The following ALK variants were observed in gnomAD, a reference collection of about 807,000 sequenced individuals.
The protein encoded by ALK is ALK receptor tyrosine kinase.
Under a neutral mutation model 163.1 loss-of-function variants are expected in ALK, and 74 were observed. The observed-to-expected ratio is 0.45, with a 90% CI of 0.38 to 0.55. ALK has a LOEUF of 0.55. Among genes scored for constraint, ALK ranks in the 20% least tolerant of loss-of-function variants. The pLI, the probability that ALK is intolerant of heterozygous loss-of-function variation, is 0.00. For synonymous variants in ALK, 960 were observed against 843.2 expected (o/e 1.14, Z -2.40); for missense variants, 2,063 against 2,105.3 (o/e 0.98, Z 0.39).
intron 11 of ALK, among the ~76,000 whole-genome samples, chr2:29,269,702 G>A (rs1665327189): frequency 6.6e-6 from 1 of 152,182 alleles, no homozygotes; most frequent in African/African-American, 2.4e-5. Flanking sequence ...AGAGCATGAG[G>A]TTAATCAGCA....
At chr2:29,517,817 A>G (rs1672711895) in intron 4 of ALK, among the ~76,000 whole-genome samples, 1 of 152,140 alleles carries the variant, frequency 6.6e-6, no homozygotes, top group Non-Finnish European at 1.5e-5. Flanking sequence ...ACCTCCAAAG[A>G]CTTCTGGCCG....
At chr2:29,670,013 T>A (rs1677633720) in intron 3 of ALK, among the ~76,000 whole-genome samples, 1 of 152,114 alleles carries the variant, frequency 6.6e-6, no homozygotes, top group African/African-American at 2.4e-5. Context: ...GACAGATTTG[T>A]CTTTTGGGCC....
At chr2:29,337,609 G>C (rs1247437072) in intron 5 of ALK, among the ~76,000 whole-genome samples, 30 of 152,140 alleles carry the variant, frequency 2.0e-4, no homozygotes, top group Admixed American at 2.0e-3. Flanking sequence ...GGTGCCACAG[G>C]CTCTCTGGGT....
chr2:29,846,088 T>C (rs1418092942), intron 1 of ALK, among the ~76,000 whole-genome samples: 1 of 152,226 alleles, frequency 6.6e-6, no homozygotes, highest in African/African-American at 2.4e-5. Context: ...GGGAGTGTGA[T>C]GTTCTGTGAT....
chr2:29,307,743 C>T (rs1431335919), intron 8 of ALK, among the ~76,000 whole-genome samples: 1 of 152,172 alleles, frequency 6.6e-6, no homozygotes, highest in Non-Finnish European at 1.5e-5. Context: ...CAAATCAACC[C>T]AGCACAGCAA....
At chr2:29,895,842 A>T (rs1478611690) in intron 1 of ALK, among the ~76,000 whole-genome samples, 1 of 152,130 alleles carries the variant, frequency 6.6e-6, no homozygotes, top group African/African-American at 2.4e-5. Context: ...CAGGAGTGAG[A>T]TACTGGCTGT....
intron 3 of ALK, among the ~76,000 whole-genome samples, chr2:29,599,316 T>G (rs1233291726): frequency 6.6e-6 from 1 of 152,204 alleles, no homozygotes; most frequent in Non-Finnish European, 1.5e-5. Flanking sequence ...TGTGAGCTCT[T>G]AAGTACTTTT....
intron 3 of ALK, among the ~76,000 whole-genome samples, chr2:29,619,560 A>G (rs1675968072): frequency 6.6e-6 from 1 of 152,056 alleles, no homozygotes. Context: ...GTCACTGACG[A>G]CTTCCCAAAT....
intron 3 of ALK, among the ~76,000 whole-genome samples, chr2:29,674,140 T>C (rs1017852409): frequency 5.4e-4 from 82 of 151,306 alleles, no homozygotes; most frequent in African/African-American, 1.7e-3. Context: ...TTTGACTTCC[T>C]CTTTTCCTAA....
At chr2:29,644,609 C>CCATTCATGT (rs60529158) in intron 3 of ALK, among the ~76,000 whole-genome samples, 20,370 of 151,740 alleles carry the variant, frequency 0.13, 2,782 homozygotes, top group African/African-American at 0.35. Context: ...AGCAACTTCT[C>CCATTCATGT]CATTCATGTA....
At chr2:29,264,039 T>C (rs989340435) in intron 11 of ALK, among the ~76,000 whole-genome samples, 4 of 152,196 alleles carry the variant, frequency 2.6e-5, no homozygotes, top group Non-Finnish European at 4.4e-5. Context: ...CCAGCCTGGA[T>C]TGGAACCAAC....
chr2:29,457,998 C>A (rs1394000377), intron 4 of ALK, among the ~76,000 whole-genome samples: 1 of 152,032 alleles, frequency 6.6e-6, no homozygotes, highest in Non-Finnish European at 1.5e-5. Context: ...TCACCAATAG[C>A]CTTTGTGAAA....
At chr2:29,217,912 C>T (rs1490081350) in intron 23 of ALK, among the ~76,000 whole-genome samples, 2 of 152,148 alleles carry the variant, frequency 1.3e-5, no homozygotes, top group African/African-American at 2.4e-5. Flanking sequence ...GTCCCTTGGC[C>T]GATTCACCCT....
chr2:29,920,620 G>A lies in ALK; in HGVS notation c.40C>T (p.Leu14Phe), dbSNP rs1667971309. The change falls in exon 1 of 29, where the codon CTT becomes TTT. Residue 14 changes from leucine to phenylalanine, a missense_variant. Coordinates refer to ENST00000389048, the MANE Select transcript of ALK (RefSeq NM_004304.5). ...IGLLWLLPLL[L>F]STAAVGSGMG... is the part of the protein sequence containing the mutation. ...CCGGAGCCCACAGCTGCCGTGGAAA[G>A]CAGCAGCGGCAGGAGCCACAGGAGC... 6.5e-7 allele frequency: 1 copy of A among 1,544,364 alleles called. No homozygotes were observed. The highest frequency in any genetic ancestry group is 8.7e-7 in the Non-Finnish European group (1 of 1,152,308).
intron 2 of ALK, among the ~76,000 whole-genome samples, chr2:29,699,845 G>A (rs922084427): frequency 6.6e-6 from 1 of 152,220 alleles, no homozygotes; most frequent in Non-Finnish European, 1.5e-5. Context: ...GTAAGGTAAT[G>A]GAACCTTCTG....
chr2:29,517,934 C>T (rs1672714915), intron 4 of ALK, among the ~76,000 whole-genome samples: 1 of 152,204 alleles, frequency 6.6e-6, no homozygotes, highest in Admixed American at 6.5e-5. Flanking sequence ...GTCTTTACTT[C>T]ACTCTGAGAC....
At chr2:29,719,181 C>T (rs1573581337) in intron 1 of ALK, among the ~76,000 whole-genome samples, 1 of 152,192 alleles carries the variant, frequency 6.6e-6, no homozygotes, top group Non-Finnish European at 1.5e-5. Flanking sequence ...GGTCTCCTTC[C>T]TAAAAAAACA....
At chr2:29,645,339 C>T (rs1378575224) in intron 3 of ALK, among the ~76,000 whole-genome samples, 2 of 152,180 alleles carry the variant, frequency 1.3e-5, no homozygotes, top group East Asian at 1.9e-4. Context: ...TGGGAAAAGT[C>T]AGAAAGTGTG....
At chr2:29,277,436 C>T (rs1665576815) in intron 9 of ALK, among the ~76,000 whole-genome samples, 1 of 152,210 alleles carries the variant, frequency 6.6e-6, no homozygotes, top group African/African-American at 2.4e-5. Flanking sequence ...TAACTGTGAT[C>T]GATTATGCTT....
Sources: allele counts gnomAD v4.1 joint callset (sites outside exome capture counted in the v4.1 genomes callset), GRCh38; gene constraint gnomAD v4.1.1; transcripts MANE v1.5; gene names NCBI Gene and HGNC (gene_info 2026-07-23, HGNC 2026-07-21).